MLIP: variants seen among roughly 807,000 people sequenced by gnomAD.
The protein encoded by MLIP is muscular LMNA interacting protein.
MLIP carries 79 observed loss-of-function variants against 84.8 expected under a neutral mutation model. The observed-to-expected ratio is 0.93, with a 90% CI of 0.78 to 1.12. MLIP has a LOEUF of 1.12. MLIP is among the 50% of genes most tolerant of loss of function. The pLI, the probability that MLIP is intolerant of heterozygous loss-of-function variation, is 0.00. For synonymous variants in MLIP, 504 were observed against 463.0 expected (o/e 1.09, Z -1.14); for missense variants, 1,257 against 1,160.6 (o/e 1.08, Z -1.21).
intron 1 of MLIP, among the ~76,000 whole-genome samples, chr6:54,025,225 T>G (rs1032270302): frequency 2.0e-5 from 3 of 152,172 alleles, no homozygotes; most frequent in African/African-American, 7.2e-5. Flanking sequence ...CTAGAGTCAT[T>G]GGTAACAGGC....
chr6:54,243,299 G>C (rs1781861750), intron 12 of MLIP, among the ~76,000 whole-genome samples: 1 of 152,096 alleles, frequency 6.6e-6, no homozygotes, highest in African/African-American at 2.4e-5. Flanking sequence ...AGCAAGCATA[G>C]ACATACAGAA....
chr6:54,239,799 A>G (rs910020146), intron 12 of MLIP, among the ~76,000 whole-genome samples: 4 of 150,544 alleles, frequency 2.7e-5, no homozygotes, highest in African/African-American at 1.0e-4. Context: ...AATAAAAAAT[A>G]AAAAATAAAA....
At chr6:54,130,706 C>T (rs816366) in intron 3 of MLIP, among the ~76,000 whole-genome samples, 101,712 of 151,942 alleles carry the variant, frequency 0.67, 34,643 homozygotes, top group East Asian at 0.9. Flanking sequence ...GGGAAGCCTA[C>T]GGGGAGGATG....
chr6:54,090,110 C>A (rs1438242868), intron 1 of MLIP, among the ~76,000 whole-genome samples: 1 of 151,780 alleles, frequency 6.6e-6, no homozygotes, highest in Non-Finnish European at 1.5e-5. Flanking sequence ...TTTTTTCTTT[C>A]TTATGCTTTT....
chr6:54,165,971 A>T (rs1164832830), intron 8 of MLIP, among the ~76,000 whole-genome samples: 3 of 151,900 alleles, frequency 2.0e-5, no homozygotes, highest in Admixed American at 6.6e-5. Flanking sequence ...ATGAACCAGA[A>T]GTGGTCCCTC....
chr6:54,091,186 T>C (rs111332696), intron 1 of MLIP, among the ~76,000 whole-genome samples: 37 of 152,226 alleles, frequency 2.4e-4, no homozygotes, highest in African/African-American at 4.3e-4. Flanking sequence ...ACTGCTTCTG[T>C]AGAGTAAACC....
intron 9 of MLIP, among the ~76,000 whole-genome samples, chr6:54,183,504 C>G (rs1199155474): frequency 3.3e-5 from 5 of 152,108 alleles, no homozygotes; most frequent in Admixed American, 6.6e-5. Flanking sequence ...TTCAGACAAA[C>G]TTCTGCTTGA....
At chr6:54,190,941 G>A (rs905433875) in intron 10 of MLIP, among the ~76,000 whole-genome samples, 7 of 151,512 alleles carry the variant, frequency 4.6e-5, no homozygotes, top group Admixed American at 1.3e-4. Context: ...GACTACAGGC[G>A]CCCGCCACCG....
intron 8 of MLIP, 95 bp from the exon 9 acceptor site, chr6:54,169,433 C>A: frequency 1.4e-6 from 1 of 692,716 alleles, no homozygotes; most frequent in South Asian, 3.1e-5. Flanking sequence ...TTTAGAAAGT[C>A]TCAATTGAGA....
intron 8 of MLIP, among the ~76,000 whole-genome samples, chr6:54,168,694 A>G (rs567640446): frequency 1.3e-5 from 2 of 151,942 alleles, no homozygotes; most frequent in African/African-American, 4.8e-5. Context: ...CCTACAAAAG[A>G]AAAATTTCGG....
intron 3 of MLIP, among the ~76,000 whole-genome samples, chr6:54,133,972 A>G (rs969132449): frequency 7.2e-5 from 11 of 152,276 alleles, no homozygotes; most frequent in African/African-American, 2.4e-4. Flanking sequence ...AAAGGAATCA[A>G]TAAAGATGAG....
At chr6:54,130,619 T>C (rs1771296734) in intron 3 of MLIP, among the ~76,000 whole-genome samples, 1 of 152,172 alleles carries the variant, frequency 6.6e-6, no homozygotes, top group South Asian at 2.1e-4. Context: ...AGACATATGA[T>C]CTGCCTTTAA....
chr6:54,222,468 AT>A (rs1780282961), intron 11 of MLIP, among the ~76,000 whole-genome samples: 1 of 151,780 alleles, frequency 6.6e-6, no homozygotes, highest in South Asian at 2.1e-4. Flanking sequence ...GTAATGCACT[AT>A]TTGTCTTTCT....
intron 12 of MLIP, among the ~76,000 whole-genome samples, chr6:54,254,502 C>T (rs1185352745): frequency 6.6e-6 from 1 of 151,916 alleles, no homozygotes; most frequent in Non-Finnish European, 1.5e-5. Flanking sequence ...ATTGTCCTCC[C>T]CATTTGACAT....
At chr6:54,020,175 T>C (rs1763416481) in intron 1 of MLIP, among the ~76,000 whole-genome samples, 1 of 152,156 alleles carries the variant, frequency 6.6e-6, no homozygotes, top group Non-Finnish European at 1.5e-5. Flanking sequence ...CTACCAAATA[T>C]AAGACCATGG....
intron 10 of MLIP, among the ~76,000 whole-genome samples, chr6:54,197,995 A>C (rs1778415996): frequency 6.6e-6 from 1 of 152,106 alleles, no homozygotes; most frequent in Non-Finnish European, 1.5e-5. Flanking sequence ...GGAATTAATA[A>C]AGCATAGTCT....
chr6:54,171,129 C>T (rs545941562), intron 9 of MLIP, among the ~76,000 whole-genome samples: 49 of 151,584 alleles, frequency 3.2e-4, no homozygotes, highest in Non-Finnish European at 6.7e-4. Context: ...AATTTGGTAG[C>T]AATTGAAATG....
chr6:54,054,760 C>A (rs1354977411), intron 1 of MLIP, among the ~76,000 whole-genome samples: 1 of 152,174 alleles, frequency 6.6e-6, no homozygotes, highest in African/African-American at 2.4e-5. Flanking sequence ...TATAAAGCAT[C>A]TTTTCTCTAA....
At position 54,170,205 on chromosome 6, in the gene MLIP, G is replaced by A. The variant is rs569279984; in HGVS notation, c.2544+633G>A. Among the ~76,000 whole-genome samples, 7 of 151,732 alleles carry A rather than the reference G, an allele frequency of 4.6e-5. No individual in the cohort carries two copies. In the East Asian group the frequency reaches 5.8e-4, roughly 13 times the overall value. On this transcript the variant is annotated intron_variant, in intron 9 of 13. Coordinates refer to ENST00000502396, the MANE Select transcript of MLIP (RefSeq NM_001281747.2). ...GGTCAACTTCTGCTTCTGACCAAACGTATTCTAGTAGAAACAAGATTATCT... is the reference window on the plus strand; with the variant it reads ...GGTCAACTTCTGCTTCTGACCAAACATATTCTAGTAGAAACAAGATTATCT...
Sources: gnomAD v4.1 joint callset for allele counts (sites outside exome capture counted in the v4.1 genomes callset) on GRCh38, gnomAD v4.1.1 for gene constraint, MANE v1.5 for transcripts, NCBI Gene and HGNC (gene_info 2026-07-23, HGNC 2026-07-21) for gene names.